Variants in TTC28 observed in about 807,000 individuals in gnomAD.
TTC28 encodes the protein tetratricopeptide repeat domain 28.
Under a neutral mutation model 198.0 loss-of-function variants are expected in TTC28, and 61 were observed. That is an observed-to-expected ratio of 0.31 (90% CI 0.25 to 0.38). TTC28 has a LOEUF of 0.38. Among genes scored for constraint, TTC28 ranks in the 10% least tolerant of loss-of-function variants. The pLI is 1.00. For synonymous variants in TTC28, 1,171 were observed against 1,297.8 expected (o/e 0.90, Z 2.10); for missense variants, 2,678 against 3,164.0 (o/e 0.85, Z 3.69).
chr22:28,142,250 A>G (rs958173045), intron 6 of TTC28, among the ~76,000 whole-genome samples: 2 of 152,238 alleles, frequency 1.3e-5, no homozygotes, highest in Non-Finnish European at 2.9e-5. Flanking sequence ...TGTCTTTCAC[A>G]TAGCAAATAT....
intron 13 of TTC28, among the ~76,000 whole-genome samples, chr22:28,025,428 A>G (rs997409711): frequency 6.6e-6 from 1 of 152,204 alleles, no homozygotes; most frequent in African/African-American, 2.4e-5. Context: ...CCAGAGCCCA[A>G]GATTTCTCCT....
chr22:28,541,254 A>T, intron 2 of TTC28, among the ~76,000 whole-genome samples: 1 of 152,226 alleles, frequency 6.6e-6, no homozygotes, highest in East Asian at 1.9e-4. Flanking sequence ...GAGAGAAGGG[A>T]TACAAATGAA....
intron 5 of TTC28, among the ~76,000 whole-genome samples, chr22:28,165,121 T>G (rs1921766277): frequency 6.6e-6 from 1 of 151,784 alleles, no homozygotes; most frequent in Non-Finnish European, 1.5e-5. Flanking sequence ...GAAGAGAAGT[T>G]TAGAGAAAAA....
At chr22:28,211,660 T>TA (rs1926976707) in intron 5 of TTC28, among the ~76,000 whole-genome samples, 1 of 151,990 alleles carries the variant, frequency 6.6e-6, no homozygotes, top group South Asian at 2.1e-4. Flanking sequence ...CAAAGAGACT[T>TA]AGATTCCAAA....
At position 28,594,239 on chromosome 22, in the gene TTC28, T is replaced by C. The variant is rs1436183779; in HGVS notation, c.381+35313A>G. Among the ~76,000 whole-genome samples, 4 of 149,452 alleles carry C rather than the reference T, an allele frequency of 2.7e-5. No homozygotes were observed. In the Admixed American group the frequency reaches 2.7e-4, roughly 10 times the overall value. On this transcript the variant is annotated intron_variant, in intron 2 of 22. Transcript: ENST00000397906. ...CTGAGACCTATAATTAAATAAATAATCGTTTATTAATATAATTATATTTAT... is the reference window on the plus strand; with the variant it reads ...CTGAGACCTATAATTAAATAAATAACCGTTTATTAATATAATTATATTTAT...
intron 2 of TTC28, among the ~76,000 whole-genome samples, chr22:28,518,257 T>C (rs2048831853): frequency 6.6e-6 from 1 of 152,200 alleles, no homozygotes; most frequent in East Asian, 1.9e-4. Context: ...AGATGTTATC[T>C]GGTTTGTTTA....
intron 2 of TTC28, among the ~76,000 whole-genome samples, chr22:28,540,975 G>C (rs2049399117): frequency 6.6e-6 from 1 of 152,160 alleles, no homozygotes. Context: ...GAGACTAGCT[G>C]AAAGGCAACA....
intron 2 of TTC28, among the ~76,000 whole-genome samples, chr22:28,528,289 C>T (rs1383998073): frequency 1.3e-5 from 2 of 151,996 alleles, no homozygotes; most frequent in East Asian, 1.9e-4. Flanking sequence ...GACAGTAATA[C>T]CACAAAGGAT....
rs540719296 is a variant in TTC28 at position 28,164,312 on chromosome 22, G to A, written c.934-713C>T. On this transcript the variant is annotated intron_variant, in intron 5 of 22. Transcript: ENST00000397906. ...AAGAGAGTAGTGGTTCTCCCAGCAC[G>A]CAACCTGAGATCTGAGAATGGGCAG... is the stretch of plus-strand genomic sequence containing the variant. Among the ~76,000 whole-genome samples the A allele has an allele frequency of 9.9e-4, 150 of 152,272 alleles. 1 individual carries two copies. Among genetic ancestry groups the A allele is most frequent in the Middle Eastern group, 3.4e-3 (1 of 294 alleles).
chr22:28,390,559 A>C (rs1569300035), intron 2 of TTC28, among the ~76,000 whole-genome samples: 1 of 152,178 alleles, frequency 6.6e-6, no homozygotes, highest in Non-Finnish European at 1.5e-5. Context: ...TAGGATAGTT[A>C]GCCCTTCTTG....
intron 2 of TTC28, among the ~76,000 whole-genome samples, chr22:28,373,872 C>T (rs942654774): frequency 1.3e-5 from 2 of 152,022 alleles, no homozygotes; most frequent in African/African-American, 2.4e-5. Flanking sequence ...CATGGAAGAA[C>T]GAAGCCATTT....
At chr22:28,540,572 A>T in intron 2 of TTC28, among the ~76,000 whole-genome samples, 1 of 152,218 alleles carries the variant, frequency 6.6e-6, no homozygotes, top group East Asian at 1.9e-4. Flanking sequence ...CCTTTGTACT[A>T]TAAAATCTAA....
intron 2 of TTC28, among the ~76,000 whole-genome samples, chr22:28,423,567 C>G (rs1226262758): frequency 1.3e-5 from 2 of 152,078 alleles, no homozygotes; most frequent in African/African-American, 2.4e-5. Context: ...TTTATAATGC[C>G]ACTAAAATAA....
intron 1 of TTC28, among the ~76,000 whole-genome samples, chr22:28,651,001 T>G (rs1429866683): frequency 6.6e-6 from 1 of 152,254 alleles, no homozygotes; most frequent in Non-Finnish European, 1.5e-5. Flanking sequence ...CCATATCCAT[T>G]CAGTTACCTG....
intron 1 of TTC28, among the ~76,000 whole-genome samples, chr22:28,635,201 G>C: frequency 6.6e-6 from 1 of 151,888 alleles, no homozygotes; most frequent in Non-Finnish European, 1.5e-5. Context: ...GGCACCTGTA[G>C]TCCCAGCTAG....
intron 2 of TTC28, among the ~76,000 whole-genome samples, chr22:28,314,207 AAG>A (rs1368677565): frequency 2.0e-5 from 3 of 152,206 alleles, no homozygotes; most frequent in Admixed American, 2.0e-4. Context: ...TCATGGAAAT[AAG>A]AGAGCACACA....
chr22:28,465,619 C>T (rs1355937114), intron 2 of TTC28, among the ~76,000 whole-genome samples: 1 of 149,616 alleles, frequency 6.7e-6, no homozygotes, highest in Non-Finnish European at 1.5e-5. Flanking sequence ...AGCGAAACTC[C>T]GTCTCAAAAA....
At chr22:28,559,148 T>C (rs2049831556) in intron 2 of TTC28, among the ~76,000 whole-genome samples, 1 of 152,218 alleles carries the variant, frequency 6.6e-6, no homozygotes, top group Non-Finnish European at 1.5e-5. Flanking sequence ...ATGGTTCACA[T>C]GATTTCATTA....
intron 2 of TTC28, among the ~76,000 whole-genome samples, chr22:28,563,311 T>C (rs1002028878): frequency 1.3e-5 from 2 of 152,168 alleles, no homozygotes; most frequent in African/African-American, 2.4e-5. Context: ...GATAACCTGA[T>C]TGACTTGAGG....
Sources: gnomAD v4.1 joint callset for allele counts (sites outside exome capture counted in the v4.1 genomes callset) on GRCh38, gnomAD v4.1.1 for gene constraint, MANE v1.5 for transcripts, NCBI Gene and HGNC (gene_info 2026-07-23, HGNC 2026-07-21) for gene names.